The following KCNQ3 variants were observed in gnomAD, a reference collection of about 807,000 sequenced individuals.
KCNQ3 encodes the protein potassium voltage-gated channel subfamily Q member 3, also known as potassium voltage-gated channel subfamily KQT member 3.
KCNQ3 carries 30 observed loss-of-function variants against 92.5 expected under a neutral mutation model. That is an observed-to-expected ratio of 0.32 (90% confidence interval 0.24 to 0.44). KCNQ3 has a LOEUF of 0.44. Among genes scored for constraint, KCNQ3 ranks in the 20% least tolerant of loss-of-function variants. The pLI, the probability that KCNQ3 is intolerant of heterozygous loss-of-function variation, is 1.00. For missense variants in KCNQ3, 913 were observed against 1,140.3 expected (o/e 0.80, Z 2.87); for synonymous variants, 450 against 468.8 (o/e 0.96, Z 0.52).
intron 9 of KCNQ3, among the ~76,000 whole-genome samples, chr8:132,157,798 A>G (rs979129706): frequency 6.6e-6 from 1 of 152,144 alleles, no homozygotes; most frequent in African/African-American, 2.4e-5. Flanking sequence ...CACATACATT[A>G]GGTATTTGCC....
intron 7 of KCNQ3, among the ~76,000 whole-genome samples, chr8:132,172,271 G>A (rs1826392062): frequency 6.6e-6 from 1 of 152,100 alleles, no homozygotes; most frequent in African/African-American, 2.4e-5. Flanking sequence ...AACTGAATGA[G>A]AGAGTGACAG....
chr8:132,273,520 C>T lies in KCNQ3; in HGVS notation c.387-87339G>A, dbSNP rs139501996. Among the ~76,000 whole-genome samples, 179 of 152,364 alleles carry T rather than the reference C, an allele frequency of 1.2e-3. 3 individuals are homozygous for T. In the East Asian group the frequency reaches 0.031, roughly 26 times the overall value. ...GAGGGGCTGCCGTGAAGACCTCTGA[C>T]ATGCGTTGGAGACATTTTCCCTATT... On this transcript the variant is annotated intron_variant, in intron 1 of 14. Transcript: ENST00000388996.
At chr8:132,151,711 T>C (rs1441095930) in intron 9 of KCNQ3, among the ~76,000 whole-genome samples, 1 of 152,238 alleles carries the variant, frequency 6.6e-6, no homozygotes, top group Admixed American at 6.5e-5. Context: ...GTTTTAAGCC[T>C]CTAACATATT....
At chr8:132,412,530 T>C (rs1403497453) in intron 1 of KCNQ3, among the ~76,000 whole-genome samples, 2 of 152,226 alleles carry the variant, frequency 1.3e-5, no homozygotes, top group Non-Finnish European at 2.9e-5. Context: ...ACAGAAATTC[T>C]TTTGCAAATG....
At chr8:132,468,557 C>T (rs1001924205) in intron 1 of KCNQ3, among the ~76,000 whole-genome samples, 2 of 152,210 alleles carry the variant, frequency 1.3e-5, no homozygotes, top group Non-Finnish European at 2.9e-5. Context: ...CAGGCACCTG[C>T]TGTAGCTGTT....
intron 1 of KCNQ3, among the ~76,000 whole-genome samples, chr8:132,286,096 T>A (rs138273657): frequency 6.6e-6 from 1 of 152,112 alleles, no homozygotes; most frequent in South Asian, 2.1e-4. Context: ...AGGCAAAAAT[T>A]TGCTTCATGG....
chr8:132,267,941 C>G (rs1397985186), intron 1 of KCNQ3, among the ~76,000 whole-genome samples: 1 of 152,208 alleles, frequency 6.6e-6, no homozygotes, highest in Admixed American at 6.5e-5. Flanking sequence ...ACATCATTAT[C>G]ACTTAGAATC....
intron 1 of KCNQ3, among the ~76,000 whole-genome samples, chr8:132,190,481 C>A (rs910789538): frequency 2.0e-5 from 3 of 152,132 alleles, no homozygotes; most frequent in African/African-American, 7.2e-5. Flanking sequence ...ATGTGAGCTG[C>A]TGTTTTGAAA....
At chr8:132,175,069 T>G (rs1286358140) in intron 5 of KCNQ3, among the ~76,000 whole-genome samples, 1 of 152,256 alleles carries the variant, frequency 6.6e-6, no homozygotes, top group African/African-American at 2.4e-5. Flanking sequence ...ATGCCAGCTT[T>G]AGTACTGTGT....
At chr8:132,412,124 G>A (rs560189007) in intron 1 of KCNQ3, among the ~76,000 whole-genome samples, 15 of 152,268 alleles carry the variant, frequency 9.9e-5, no homozygotes, top group African/African-American at 3.4e-4. Flanking sequence ...CACCCCACAG[G>A]GCATGCAGCA....
chr8:132,336,647 C>T (rs868711541), intron 1 of KCNQ3, among the ~76,000 whole-genome samples: 1 of 152,210 alleles, frequency 6.6e-6, no homozygotes, highest in African/African-American at 2.4e-5. Context: ...AGTCCCCCTG[C>T]CCCTTGCAGT....
chr8:132,261,182 AG>A (rs1405481617), intron 1 of KCNQ3, among the ~76,000 whole-genome samples: 1 of 152,312 alleles, frequency 6.6e-6, no homozygotes, highest in Non-Finnish European at 1.5e-5. Flanking sequence ...CATTGAGAAA[AG>A]TAGGGCATTG....
At chr8:132,310,210 G>A (rs755703107) in intron 1 of KCNQ3, among the ~76,000 whole-genome samples, 2 of 152,208 alleles carry the variant, frequency 1.3e-5, no homozygotes, top group Non-Finnish European at 2.9e-5. Context: ...GTGGATGCTG[G>A]TTTACTGAGA....
At chr8:132,364,217 T>C (rs1286668639) in intron 1 of KCNQ3, among the ~76,000 whole-genome samples, 1 of 152,200 alleles carries the variant, frequency 6.6e-6, no homozygotes, top group Non-Finnish European at 1.5e-5. Flanking sequence ...ACACAGGATG[T>C]GGTTAGCATT....
Position 132,132,175 on chromosome 8 carries a change from C to T in KCNQ3, c.1884+5G>A. ...AGTTTTTGGTGAGAGGAAGAAAAGA[C>T]TTACCTGTCTTTCAACTTTTACAAA... On this transcript the variant is annotated splice_donor_5th_base_variant and intron_variant, in intron 14 of 14. Coordinates refer to ENST00000388996, the MANE Select transcript of KCNQ3 (RefSeq NM_004519.4). The T allele has an allele frequency of 6.3e-7, 1 of 1,588,330 alleles. No homozygotes were observed. Among genetic ancestry groups the T allele is most frequent in the Non-Finnish European group, 8.6e-7 (1 of 1,156,480 alleles).
At chr8:132,308,325 A>G (rs1364386084) in intron 1 of KCNQ3, among the ~76,000 whole-genome samples, 5 of 152,134 alleles carry the variant, frequency 3.3e-5, no homozygotes, top group Admixed American at 2.6e-4. Flanking sequence ...GAGAGAGCAG[A>G]TAAGGAAGCC....
At chr8:132,335,645 A>G (rs1179769737) in intron 1 of KCNQ3, among the ~76,000 whole-genome samples, 1 of 152,216 alleles carries the variant, frequency 6.6e-6, no homozygotes, top group Non-Finnish European at 1.5e-5. Flanking sequence ...CAACTGAAAA[A>G]AGGCAATTTC....
At chr8:132,443,612 A>G (rs1372865279) in intron 1 of KCNQ3, among the ~76,000 whole-genome samples, 4 of 152,184 alleles carry the variant, frequency 2.6e-5, no homozygotes, top group African/African-American at 9.7e-5. Context: ...CAGCACAGAT[A>G]CACAAGGCTG....
intron 1 of KCNQ3, among the ~76,000 whole-genome samples, chr8:132,333,354 T>A (rs993344139): frequency 6.6e-6 from 1 of 152,132 alleles, no homozygotes; most frequent in Non-Finnish European, 1.5e-5. Flanking sequence ...ATTTAAAACA[T>A]TTCCATACTT....
Sources: allele counts gnomAD v4.1 joint callset (sites outside exome capture counted in the v4.1 genomes callset), GRCh38; gene constraint gnomAD v4.1.1; transcripts MANE v1.5; gene names NCBI Gene and HGNC (gene_info 2026-07-23, HGNC 2026-07-21).